The following UBE2L3 variants were observed in gnomAD, a reference collection of about 807,000 sequenced individuals.
The protein encoded by UBE2L3 is ubiquitin conjugating enzyme E2 L3.
UBE2L3 carries 1 observed loss-of-function variant against 17.8 expected under a neutral mutation model. The observed-to-expected ratio is 0.06, with a 90% confidence interval of 0.02 to 0.27. UBE2L3 has a LOEUF of 0.27. Among genes scored for constraint, UBE2L3 ranks in the 10% least tolerant of loss-of-function variants. The pLI, the probability that UBE2L3 is intolerant of heterozygous loss-of-function variation, is 1.00. For synonymous variants in UBE2L3, 44 were observed against 68.5 expected, an observed-to-expected ratio of 0.64 and a Z score of 1.76; for missense variants, 40 against 192.6, an observed-to-expected ratio of 0.21 and a Z score of 4.69.
chr22:21,580,232 ATGC>A (rs1193985548), intron 1 of UBE2L3, among the ~76,000 whole-genome samples: 5 of 152,186 alleles, frequency 3.3e-5, no homozygotes, highest in Non-Finnish European at 7.3e-5. Flanking sequence ...AGTCCTGGGC[ATGC>A]TCTATACAAG....
At chr22:21,604,016 A>G (rs750753160) in intron 2 of UBE2L3, among the ~76,000 whole-genome samples, 26 of 150,172 alleles carry the variant, frequency 1.7e-4, no homozygotes, top group African/African-American at 2.5e-4. Context: ...GGCTTAAGCA[A>G]TCCTCCCACC....
chr22:21,559,071 A>G (rs964471803), intron 1 of UBE2L3, among the ~76,000 whole-genome samples: 6 of 151,364 alleles, frequency 4.0e-5, no homozygotes, highest in African/African-American at 1.2e-4. Flanking sequence ...GTGAAGCTGG[A>G]CATGGTGGCC....
At chr22:21,604,134 A>G (rs766862056) in intron 2 of UBE2L3, among the ~76,000 whole-genome samples, 14 of 152,138 alleles carry the variant, frequency 9.2e-5, no homozygotes, top group Non-Finnish European at 1.9e-4. Context: ...ATACAGCAGT[A>G]TGAGCTTAGG....
At chr22:21,572,702 A>T (rs546569742) in intron 1 of UBE2L3, among the ~76,000 whole-genome samples, 15 of 152,172 alleles carry the variant, frequency 9.9e-5, no homozygotes, top group Non-Finnish European at 2.1e-4. Flanking sequence ...AGCCACAGAG[A>T]CGTTCCTCCT....
At chr22:21,585,828 G>A in intron 1 of UBE2L3, among the ~76,000 whole-genome samples, 1 of 152,188 alleles carries the variant, frequency 6.6e-6, no homozygotes, top group Non-Finnish European at 1.5e-5. Flanking sequence ...AAGAGCTTTA[G>A]TTGGAATTAC....
intron 1 of UBE2L3, among the ~76,000 whole-genome samples, chr22:21,570,429 A>AT: frequency 6.6e-6 from 1 of 152,184 alleles, no homozygotes; most frequent in Non-Finnish European, 1.5e-5. Flanking sequence ...TGTCATTTGT[A>AT]TTTTTTATAA....
intron 1 of UBE2L3, among the ~76,000 whole-genome samples, chr22:21,592,032 T>G (rs181073796): frequency 6.6e-6 from 1 of 152,172 alleles, no homozygotes; most frequent in Non-Finnish European, 1.5e-5. Context: ...TGGTGCACAG[T>G]TGAAAAACAG....
chr22:21,557,594 C>T (rs1476058324), intron 1 of UBE2L3, among the ~76,000 whole-genome samples: 1 of 152,130 alleles, frequency 6.6e-6, no homozygotes, highest in Non-Finnish European at 1.5e-5. Context: ...GCAATCTTGG[C>T]TCACTGCAAC....
At chr22:21,606,804 G>A (rs1006568942) in intron 2 of UBE2L3, among the ~76,000 whole-genome samples, 2 of 152,144 alleles carry the variant, frequency 1.3e-5, no homozygotes, top group African/African-American at 4.8e-5. Context: ...AACCGTGATT[G>A]CACCTCTGCA....
chr22:21,599,342 T>C (rs1032492988), intron 2 of UBE2L3, among the ~76,000 whole-genome samples: 8 of 152,128 alleles, frequency 5.3e-5, no homozygotes, highest in African/African-American at 1.9e-4. Flanking sequence ...CTGTAATGGT[T>C]GAGACCAATG....
intron 1 of UBE2L3, among the ~76,000 whole-genome samples, chr22:21,556,304 A>G (rs1479048435): frequency 1.3e-5 from 2 of 152,206 alleles, no homozygotes. Context: ...CTGAAGTGGG[A>G]GAATAGTTTG....
chr22:21,578,495 T>C (rs1159585428), intron 1 of UBE2L3, among the ~76,000 whole-genome samples: 1 of 152,132 alleles, frequency 6.6e-6, no homozygotes, highest in Admixed American at 6.6e-5. Flanking sequence ...GAGTCTGTTG[T>C]GGACAGACTT....
intron 3 of UBE2L3, among the ~76,000 whole-genome samples, chr22:21,615,055 TGA>T (rs1929692868): frequency 6.6e-6 from 1 of 152,024 alleles, no homozygotes; most frequent in African/African-American, 2.4e-5. Flanking sequence ...CATGGGAGGC[TGA>T]AGCTGGAGAA....
At chr22:21,558,615 G>C (rs181122382) in intron 1 of UBE2L3, among the ~76,000 whole-genome samples, 14 of 141,626 alleles carry the variant, frequency 9.9e-5, no homozygotes, top group Middle Eastern at 3.8e-3. Context: ...TGGCGACAAA[G>C]TGAGACTCTG....
upstream of UBE2L3, among the ~76,000 whole-genome samples, chr22:21,563,646 G>A (rs1332684801): frequency 3.6e-5 from 5 of 139,018 alleles, no homozygotes; most frequent in East Asian, 2.3e-4. Context: ...GTGTGATCTC[G>A]GCTCACTGCA....
intron 3 of UBE2L3, among the ~76,000 whole-genome samples, chr22:21,612,320 T>C (rs1929520197): frequency 6.6e-6 from 1 of 151,546 alleles, no homozygotes; most frequent in African/African-American, 2.4e-5. Flanking sequence ...GCCTGGTTTT[T>C]TCTTTTCTTT....
intron 1 of UBE2L3, among the ~76,000 whole-genome samples, chr22:21,559,093 T>C (rs1247332509): frequency 6.6e-6 from 1 of 151,620 alleles, no homozygotes; most frequent in Non-Finnish European, 1.5e-5. Flanking sequence ...ACGCCTCTAA[T>C]CTCAGCAGTT....
At chr22:21,608,553 A>C (rs989198355) in intron 2 of UBE2L3, among the ~76,000 whole-genome samples, 8 of 152,004 alleles carry the variant, frequency 5.3e-5, no homozygotes, top group African/African-American at 1.9e-4. Context: ...CCTCCCAAGT[A>C]GCTGGACTAC....
chr22:21,583,462 A>G (rs1002854072), intron 1 of UBE2L3, among the ~76,000 whole-genome samples: 3 of 152,204 alleles, frequency 2.0e-5, no homozygotes, highest in African/African-American at 7.2e-5. Context: ...ATGCTTGTTT[A>G]CATTGTACCA....
Sources: gnomAD v4.1 joint callset for allele counts (sites outside exome capture counted in the v4.1 genomes callset) on GRCh38, gnomAD v4.1.1 for gene constraint, MANE v1.5 for transcripts, NCBI Gene and HGNC (gene_info 2026-07-23, HGNC 2026-07-21) for gene names.